Variants in ATG3 observed in about 807,000 individuals in gnomAD.
The protein encoded by ATG3 is autophagy related 3.
Under a neutral mutation model 50.7 loss-of-function variants are expected in ATG3, and 25 were observed. The observed-to-expected ratio is 0.49, with a 90% confidence interval of 0.36 to 0.69. ATG3 has a LOEUF of 0.69. ATG3 is among the 30% of genes least tolerant of loss of function. ATG3 has a pLI of 0.00. For synonymous variants in ATG3, 119 were observed against 125.5 expected, an observed-to-expected ratio of 0.95 and a Z score of 0.34; for missense variants, 281 against 376.0, an observed-to-expected ratio of 0.75 and a Z score of 2.09.
chr3:112,549,798 CAAAAAAAAAA>C (rs71631400), intron 4 of ATG3, among the ~76,000 whole-genome samples: 12 of 116,814 alleles, frequency 1.0e-4, no homozygotes, highest in Admixed American at 7.0e-4. Context: ...TCAAAACAAC[CAAAAAAAAAA>C]AAAAAAAAAC....
At chr3:112,536,723 C>T in intron 9 of ATG3, 121 bp from the exon 10 acceptor site, 1 of 1,001,828 alleles carries the variant, frequency 1.0e-6, no homozygotes, top group Non-Finnish European at 1.4e-6. Context: ...AGATCGAGAC[C>T]ATCCTGGCTA....
Position 112,561,605 on chromosome 3 carries a change from T to A in ATG3, c.-77A>T. The A allele has an allele frequency of 7.0e-7, 1 of 1,426,724 alleles. No individual in the cohort carries two copies. Among genetic ancestry groups the A allele is most frequent in the Non-Finnish European group, 9.6e-7 (1 of 1,043,722 alleles). 88.4% of individuals were successfully genotyped at this position (1,426,724 alleles called of 1,614,324 possible). A position where few individuals can be genotyped will look rare whatever the true frequency, so the allele number is the denominator to read the frequency against. ...TGTCAGGGGCCAGGGAGTCAGAAAA[T>A]GTCCTCGCTGCCACCGACTCGCATC... On this transcript the variant is annotated 5_prime_UTR_variant, in exon 1 of 12. Transcript: ENST00000283290.
intron 2 of ATG3, among the ~76,000 whole-genome samples, chr3:112,557,377 T>A (rs529576662): frequency 3.9e-4 from 59 of 151,614 alleles, no homozygotes; most frequent in African/African-American, 1.4e-3. Flanking sequence ...GGCTCAAGCC[T>A]GTAATCCCGA....
chr3:112,558,962 C>T (rs1249795035), intron 1 of ATG3, among the ~76,000 whole-genome samples: 1 of 152,180 alleles, frequency 6.6e-6, no homozygotes, highest in African/African-American at 2.4e-5. Context: ...TGGTCTCGAA[C>T]TCCTGACCTC....
At chr3:112,548,209 G>A (rs774014925) in intron 5 of ATG3, among the ~76,000 whole-genome samples, 50 of 152,086 alleles carry the variant, frequency 3.3e-4, no homozygotes, top group Non-Finnish European at 6.3e-4. Context: ...AAAATTAGCT[G>A]GGCGTGGGGG....
chr3:112,552,307 G>A (rs1325562690), intron 3 of ATG3, among the ~76,000 whole-genome samples: 1 of 151,984 alleles, frequency 6.6e-6, no homozygotes, highest in Non-Finnish European at 1.5e-5. Flanking sequence ...GTACTTGGAA[G>A]TAATAAAACA....
chr3:112,561,573 G>A lies in ATG3; in HGVS notation c.-45C>T, dbSNP rs758041102. ...CCGGCCCCGCGACGGGATGGAAAGTGCAGCCGTGTCAGGGGCCAGGGAGTC... is the reference window on the plus strand; with the variant it reads ...CCGGCCCCGCGACGGGATGGAAAGTACAGCCGTGTCAGGGGCCAGGGAGTC... On this transcript the variant is annotated 5_prime_UTR_variant, in exon 1 of 12. Transcript: ENST00000283290. 8.8e-6 allele frequency: 14 copies of A among 1,585,768 alleles called. No homozygotes were observed. The highest frequency in any genetic ancestry group is 1.1e-5 in the South Asian group (1 of 89,458).
chr3:112,555,524 TTTTC>T (rs969082120), intron 2 of ATG3, among the ~76,000 whole-genome samples: 2 of 152,218 alleles, frequency 1.3e-5, no homozygotes, highest in African/African-American at 4.8e-5. Flanking sequence ...AACATTAGTT[TTTTC>T]TTTGTTTTTT....
rs574373049 is a variant in ATG3, at chr3:112,539,671, T to C, written c.476-1491A>G. ...AACTCCATGAAATCATGTCTACTGC[T>C]TTATCTCCAACACCAAGGACAATAC... On this transcript the variant is annotated intron_variant, in intron 7 of 11. Coordinates refer to ENST00000283290, the MANE Select transcript of ATG3 (RefSeq NM_022488.5). Among the ~76,000 whole-genome samples the C allele has an allele frequency of 1.4e-3, 215 of 152,336 alleles. 1 individual carries two copies. The highest frequency in any genetic ancestry group is 3.3e-3 in the Admixed American group (50 of 15,296).
At chr3:112,549,314 T>TA (rs976004625) in intron 4 of ATG3, among the ~76,000 whole-genome samples, 2 of 152,114 alleles carry the variant, frequency 1.3e-5, no homozygotes, top group African/African-American at 2.4e-5. Context: ...CTGATTTTTT[T>TA]AAAACAATCA....
chr3:112,560,710 T>G (rs1933835874), intron 1 of ATG3, among the ~76,000 whole-genome samples: 1 of 152,226 alleles, frequency 6.6e-6, no homozygotes, highest in Admixed American at 6.5e-5. Flanking sequence ...TGAAGGCAGT[T>G]GTAGAAATTT....
At chr3:112,533,988 A>G (rs1285083087) in intron 11 of ATG3, 15 of 1,170,468 alleles carry the variant, frequency 1.3e-5, no homozygotes, top group African/African-American at 1.6e-5. Context: ...CTGGAAATGT[A>G]CATAAGAAAA....
intron 2 of ATG3, among the ~76,000 whole-genome samples, chr3:112,556,231 A>G (rs1933672020): frequency 6.7e-6 from 1 of 149,110 alleles, no homozygotes; most frequent in African/African-American, 2.4e-5. Context: ...CTCGGCAGGG[A>G]TAGTTTAACT....
chr3:112,558,509 A>G (rs1933749318), intron 1 of ATG3, 92 bp from the exon 2 acceptor site: 1 of 989,230 alleles, frequency 1.0e-6, no homozygotes, highest in South Asian at 1.4e-5. Context: ...GTGCCCTTCT[A>G]GGCAATAGAG....
At chr3:112,553,353 TG>T in intron 2 of ATG3, 24 bp from the exon 3 acceptor site, 2 of 1,607,266 alleles carry the variant, frequency 1.2e-6, no homozygotes, top group Non-Finnish European at 8.5e-7. Context: ...AAAAGTAATA[TG>T]AAAAAAAGGA....
intron 7 of ATG3, among the ~76,000 whole-genome samples, chr3:112,541,114 C>A (rs1449985711): frequency 1.3e-5 from 2 of 152,036 alleles, no homozygotes; most frequent in African/African-American, 4.8e-5. Flanking sequence ...ATTAGCCAAG[C>A]ACAGTGGCTC....
chr3:112,532,968 C>A lies in ATG3; in HGVS notation c.864-188G>T, dbSNP rs2082566854. ...TTAACATGAGGCTCTTTAAGACTAC[C>A]TGACCACTCATTCGATTATTGAATT... On this transcript the variant is annotated intron_variant, in intron 11 of 11. Transcript: ENST00000283290. 6 of 1,242,654 alleles carry A rather than the reference C, an allele frequency of 4.8e-6. No individual in the cohort carries two copies. The South Asian group carries it at 1.4e-4, about 29-fold the overall frequency. The allele number at this position is 1,242,654 out of a possible 1,614,324, so 77.0% of individuals were successfully genotyped here.
intron 8 of ATG3, 40 bp from the exon 9 acceptor site, chr3:112,537,930 C>T (rs112339608): frequency 9.8e-6 from 15 of 1,526,478 alleles, no homozygotes; most frequent in East Asian, 2.3e-5. Context: ...ACCATTAAAT[C>T]GGTATGAATG....
chr3:112,541,389 A>C (rs935537723), intron 7 of ATG3, among the ~76,000 whole-genome samples: 3 of 152,104 alleles, frequency 2.0e-5, no homozygotes, highest in Non-Finnish European at 4.4e-5. Context: ...GTCTCAAAAA[A>C]AGAAAAAAAA....
Sources: allele counts gnomAD v4.1 joint callset (sites outside exome capture counted in the v4.1 genomes callset), GRCh38; gene constraint gnomAD v4.1.1; transcripts MANE v1.5; gene names NCBI Gene and HGNC (gene_info 2026-07-23, HGNC 2026-07-21).